Variants in KAZN observed in about 807,000 individuals in gnomAD.
The protein encoded by KAZN is kazrin.
KAZN carries 40 observed loss-of-function variants against 87.4 expected under a neutral mutation model. That is an observed-to-expected ratio of 0.46 (90% CI 0.36 to 0.60). KAZN has a LOEUF of 0.60. Ranked by LOEUF, KAZN falls within the 20% of genes least tolerant of loss-of-function variation. The probability of loss-of-function intolerance (pLI) is 0.00; values close to 1 mark genes in which losing one functional copy is unlikely to be tolerated. For synonymous variants in KAZN, 466 were observed against 458.3 expected, an observed-to-expected ratio of 1.02 and a Z score of -0.22; for missense variants, 898 against 1,073.9, an observed-to-expected ratio of 0.84 and a Z score of 2.29.
chr1:14,093,976 C>G (rs1348991423), intron 1 of KAZN, among the ~76,000 whole-genome samples: 1 of 152,080 alleles, frequency 6.6e-6, no homozygotes, highest in Non-Finnish European at 1.5e-5. Flanking sequence ...GGGGTAGGAC[C>G]CTGCTGGAAT....
chr1:13,922,434 A>G (rs886102102), intron 1 of KAZN, among the ~76,000 whole-genome samples: 4 of 152,142 alleles, frequency 2.6e-5, no homozygotes, highest in Non-Finnish European at 5.9e-5. Context: ...TCCTATTGGA[A>G]ATCCCTTGGA....
rs540904401 is a variant in KAZN at position 15,064,149 on chromosome 1, A to G, written c.1098+527A>G. ...ACTTGATTCATTTTTAACATTTTCA[A>G]TATTCTGTCATCAGAGTGAGGAGGG... is the stretch of plus-strand genomic sequence containing the variant. On this transcript the variant is annotated intron_variant, in intron 7 of 14. Transcript: ENST00000376030. Among the ~76,000 whole-genome samples, 11 of 152,324 alleles carry G rather than the reference A, an allele frequency of 7.2e-5. No homozygotes were observed. The East Asian group carries it at 2.1e-3, about 29-fold the overall frequency.
intron 2 of KAZN, among the ~76,000 whole-genome samples, chr1:14,343,066 G>A (rs1230169300): frequency 6.6e-5 from 10 of 152,096 alleles, no homozygotes; most frequent in Non-Finnish European, 1.2e-4. Flanking sequence ...ACTTGAACCC[G>A]GGAGGCGGAG....
At chr1:15,084,225 A>C (rs530278972) in intron 8 of KAZN, among the ~76,000 whole-genome samples, 98 of 152,342 alleles carry the variant, frequency 6.4e-4, no homozygotes, top group Non-Finnish European at 1.2e-3. Context: ...AGGCCCTGGT[A>C]ATACAAATAT....
At position 13,917,114 on chromosome 1, in the gene KAZN, G is replaced by A. The variant is rs74226282; in HGVS notation, c.91+23358G>A. ...TGTGTGCACACGTGCATGCATGCAC[G>A]CCCATGTGTGTAATACAAATTTCAT... is the stretch of plus-strand genomic sequence containing the variant. On this transcript the variant is annotated intron_variant, in intron 1 of 16. Coordinates refer to the KAZN transcript ENST00000636203. Among the ~76,000 whole-genome samples the A allele has an allele frequency of 3.0e-4, 46 of 152,234 alleles. No individual in the cohort carries two copies. The East Asian group carries it at 7.3e-3, about 24-fold the overall frequency.
intron 2 of KAZN, among the ~76,000 whole-genome samples, chr1:14,413,551 T>C (rs1022895418): frequency 1.0e-4 from 13 of 124,618 alleles, no homozygotes; most frequent in African/African-American, 4.0e-4. Flanking sequence ...ATCGCGCCAC[T>C]GCACTCCAGC....
intron 2 of KAZN, among the ~76,000 whole-genome samples, chr1:14,557,592 G>A (rs1447835810): frequency 2.0e-5 from 3 of 150,664 alleles, no homozygotes; most frequent in South Asian, 2.1e-4. Context: ...CCTGTGTTAG[G>A]GTTCTCCAGA....
At chr1:14,523,427 C>T (rs1241129038) in intron 2 of KAZN, among the ~76,000 whole-genome samples, 1 of 152,148 alleles carries the variant, frequency 6.6e-6, no homozygotes. Flanking sequence ...CCTCCCAGCT[C>T]GGAGCTTGTG....
intron 2 of KAZN, among the ~76,000 whole-genome samples, chr1:14,307,450 G>C (rs530287881): frequency 6.6e-6 from 1 of 152,282 alleles, no homozygotes; most frequent in African/African-American, 2.4e-5. Context: ...TCTACATTAG[G>C]TCATGTCTAC....
intron 1 of KAZN, among the ~76,000 whole-genome samples, chr1:14,796,853 C>T (rs1430807385): frequency 6.6e-6 from 1 of 152,232 alleles, no homozygotes; most frequent in African/African-American, 2.4e-5. Flanking sequence ...CGTTTCTCCA[C>T]AGCATGACTG....
intron 2 of KAZN, among the ~76,000 whole-genome samples, chr1:14,386,222 G>A (rs1290932209): frequency 6.8e-6 from 1 of 146,948 alleles, no homozygotes; most frequent in Non-Finnish European, 1.5e-5. Flanking sequence ...CACATGAGAT[G>A]GGTTTCCTGA....
At chr1:15,054,703 C>G (rs1674765021) in intron 4 of KAZN, among the ~76,000 whole-genome samples, 1 of 152,074 alleles carries the variant, frequency 6.6e-6, no homozygotes, top group African/African-American at 2.4e-5. Flanking sequence ...TAGCACATTT[C>G]TAATACTTGC....
chr1:15,101,164 T>TTC (rs143288616), intron 10 of KAZN, among the ~76,000 whole-genome samples: 3,859 of 127,822 alleles, frequency 0.03, 209 homozygotes, highest in South Asian at 0.065. Context: ...GTCTCGGTCT[T>TTC]TCTCTCTCTC....
intron 1 of KAZN, among the ~76,000 whole-genome samples, chr1:14,095,889 A>T (rs11800511): frequency 6.6e-6 from 1 of 152,180 alleles, no homozygotes; most frequent in Non-Finnish European, 1.5e-5. Flanking sequence ...AGGATGGGAC[A>T]TAGACTCCGT....
chr1:14,194,405 C>A (rs1381452150), intron 2 of KAZN, among the ~76,000 whole-genome samples: 1 of 152,142 alleles, frequency 6.6e-6, no homozygotes, highest in Non-Finnish European at 1.5e-5. Flanking sequence ...GATTAAATTC[C>A]TCTCCCAGGA....
intron 1 of KAZN, among the ~76,000 whole-genome samples, chr1:14,699,416 G>A (rs1029360119): frequency 1.3e-5 from 2 of 152,210 alleles, no homozygotes; most frequent in Non-Finnish European, 2.9e-5. Flanking sequence ...CAACAAATAT[G>A]CATTGAGCAT....
chr1:14,503,136 C>T (rs1222893098), intron 2 of KAZN, among the ~76,000 whole-genome samples: 3 of 152,024 alleles, frequency 2.0e-5, no homozygotes, highest in Non-Finnish European at 2.9e-5. Flanking sequence ...CCTCCATTTC[C>T]TCCTCTAGGA....
chr1:14,291,286 C>A (rs1653669527), intron 2 of KAZN, among the ~76,000 whole-genome samples: 1 of 152,212 alleles, frequency 6.6e-6, no homozygotes, highest in African/African-American at 2.4e-5. Flanking sequence ...GCCCTGCCCC[C>A]AGAGGTGGAA....
At chr1:14,653,556 T>C (rs904229943) in intron 1 of KAZN, among the ~76,000 whole-genome samples, 1 of 152,166 alleles carries the variant, frequency 6.6e-6, no homozygotes, top group Non-Finnish European at 1.5e-5. Flanking sequence ...TCCTGAGTTT[T>C]AAATGTGTAT....
Sources: allele counts gnomAD v4.1 joint callset (sites outside exome capture counted in the v4.1 genomes callset), GRCh38; gene constraint gnomAD v4.1.1; transcripts MANE v1.5; gene names NCBI Gene and HGNC (gene_info 2026-07-23, HGNC 2026-07-21).